The following STXBP5L variants were observed in gnomAD, a reference collection of about 807,000 sequenced individuals.
STXBP5L encodes the protein syntaxin binding protein 5L, also known as syntaxin-binding protein 5-like.
Under a neutral mutation model 144.5 loss-of-function variants are expected in STXBP5L, and 65 were observed. That is an observed-to-expected ratio of 0.45 (90% CI 0.37 to 0.55). STXBP5L has a LOEUF of 0.55. STXBP5L is among the 20% of genes least tolerant of loss of function. The pLI, the probability that STXBP5L is intolerant of heterozygous loss-of-function variation, is 0.00. For synonymous variants in STXBP5L, 505 were observed against 469.6 expected, an observed-to-expected ratio of 1.08 and a Z score of -0.97; for missense variants, 1,298 against 1,405.5, an observed-to-expected ratio of 0.92 and a Z score of 1.22.
intron 19 of STXBP5L, among the ~76,000 whole-genome samples, chr3:121,315,550 G>A (rs1432162765): frequency 1.3e-5 from 2 of 151,366 alleles, no homozygotes; most frequent in Non-Finnish European, 2.9e-5. Context: ...AAGTTAATGG[G>A]TGCAGCATAC....
intron 20 of STXBP5L, among the ~76,000 whole-genome samples, chr3:121,345,963 T>G (rs1003319860): frequency 2.2e-4 from 33 of 152,064 alleles, no homozygotes; most frequent in African/African-American, 7.7e-4. Context: ...TTTATTTTAT[T>G]ATTATTATAC....
At chr3:121,265,045 G>A (rs1577332243) in intron 18 of STXBP5L, among the ~76,000 whole-genome samples, 1 of 152,106 alleles carries the variant, frequency 6.6e-6, no homozygotes, top group Non-Finnish European at 1.5e-5. Flanking sequence ...ACACCCCACT[G>A]TCAATATTAG....
Position 121,418,323 on chromosome 3 carries a change from G to C in STXBP5L, c.3227-14G>C. On this transcript the variant is annotated splice_polypyrimidine_tract_variant and intron_variant, in intron 25 of 26. Transcript: ENST00000471454. ...TGACAAAATGTTTTAAATTGCTATT[G>C]CATATATTCTCAGTTGGGGAAGCTT... The C allele has an allele frequency of 6.2e-7, 1 of 1,609,352 alleles. No homozygotes were observed. Among genetic ancestry groups the C allele is most frequent in the Non-Finnish European group, 8.5e-7 (1 of 1,177,330 alleles).
chr3:121,250,895 A>C, intron 15 of STXBP5L, 132 bp downstream of exon 15: 1 of 668,702 alleles, frequency 1.5e-6, no homozygotes, highest in South Asian at 2.0e-5. Context: ...TGTTACAAAA[A>C]TCTATTACCT....
intron 8 of STXBP5L, among the ~76,000 whole-genome samples, chr3:121,157,110 T>C (rs1174122715): frequency 6.6e-6 from 1 of 152,110 alleles, no homozygotes; most frequent in Non-Finnish European, 1.5e-5. Flanking sequence ...TGAGAACGTT[T>C]TTCGTAGTTA....
intron 24 of STXBP5L, among the ~76,000 whole-genome samples, chr3:121,414,114 A>G (rs1377342309): frequency 6.6e-6 from 1 of 151,222 alleles, no homozygotes; most frequent in Non-Finnish European, 1.5e-5. Flanking sequence ...ATAATAATAA[A>G]TATTACTATC....
chr3:121,109,754 G>T (rs1393640630), intron 5 of STXBP5L, among the ~76,000 whole-genome samples: 1 of 152,148 alleles, frequency 6.6e-6, no homozygotes, highest in Non-Finnish European at 1.5e-5. Flanking sequence ...AGCTGAGTTT[G>T]AGTCCTGAAG....
chr3:121,281,682 A>G (rs558227024), intron 19 of STXBP5L, among the ~76,000 whole-genome samples: 1 of 152,118 alleles, frequency 6.6e-6, no homozygotes, highest in South Asian at 2.1e-4. Context: ...TTTAAATTAA[A>G]CTGCTTGAAC....
At chr3:120,982,798 G>A (rs188120045) in intron 3 of STXBP5L, among the ~76,000 whole-genome samples, 9 of 152,290 alleles carry the variant, frequency 5.9e-5, no homozygotes, top group African/African-American at 2.2e-4. Context: ...TGCCAGTTGT[G>A]GTGGACTGGG....
intron 18 of STXBP5L, among the ~76,000 whole-genome samples, chr3:121,262,086 T>C (rs1577326441): frequency 6.6e-6 from 1 of 152,258 alleles, no homozygotes; most frequent in East Asian, 1.9e-4. Flanking sequence ...ATGAATTCCA[T>C]TCATAATGGC....
chr3:121,178,856 A>G (rs1163241205), intron 9 of STXBP5L, among the ~76,000 whole-genome samples: 2 of 152,026 alleles, frequency 1.3e-5, no homozygotes, highest in East Asian at 1.9e-4. Context: ...ATTAGGGAAG[A>G]GTCAGGCAGC....
At chr3:121,320,142 A>G (rs1351846181) in intron 20 of STXBP5L, among the ~76,000 whole-genome samples, 1 of 151,802 alleles carries the variant, frequency 6.6e-6, no homozygotes, top group Non-Finnish European at 1.5e-5. Flanking sequence ...ACAATATTGA[A>G]TTTTTCGTTT....
chr3:121,161,544 A>G (rs903654109), intron 9 of STXBP5L, among the ~76,000 whole-genome samples: 2 of 151,964 alleles, frequency 1.3e-5, no homozygotes, highest in Non-Finnish European at 2.9e-5. Flanking sequence ...GGGTTCTACC[A>G]AGATTCTCAT....
chr3:120,980,923 C>T (rs1941704278), intron 3 of STXBP5L, among the ~76,000 whole-genome samples: 1 of 152,014 alleles, frequency 6.6e-6, no homozygotes, highest in African/African-American at 2.4e-5. Context: ...TTAGCCGTTT[C>T]TTGTCTAGGA....
chr3:121,334,542 A>G (rs1055625636), intron 20 of STXBP5L, among the ~76,000 whole-genome samples: 2 of 151,438 alleles, frequency 1.3e-5, no homozygotes, highest in Non-Finnish European at 2.9e-5. Context: ...CAAAAAAAAA[A>G]GAAAACTTTG....
chr3:121,148,494 T>C (rs919984528), intron 7 of STXBP5L, among the ~76,000 whole-genome samples: 2 of 152,168 alleles, frequency 1.3e-5, no homozygotes, highest in African/African-American at 4.8e-5. Context: ...ATGAACTTTG[T>C]TAATTTTCCC....
At chr3:121,259,284 G>A (rs2050310375) in intron 18 of STXBP5L, 116 bp downstream of exon 18, 1 of 734,990 alleles carries the variant, frequency 1.4e-6, no homozygotes. Flanking sequence ...ATTTTTATTA[G>A]ATTAAACAAT....
intron 20 of STXBP5L, among the ~76,000 whole-genome samples, chr3:121,352,285 T>C (rs576305235): frequency 6.6e-6 from 1 of 152,290 alleles, no homozygotes; most frequent in African/African-American, 2.4e-5. Context: ...AGTATGGCCA[T>C]TTTCACGATA....
At chr3:121,263,069 C>A (rs1383482446) in intron 18 of STXBP5L, among the ~76,000 whole-genome samples, 1 of 152,186 alleles carries the variant, frequency 6.6e-6, no homozygotes, top group African/African-American at 2.4e-5. Flanking sequence ...TACAGGAGAG[C>A]TCTGGCTGGC....
Sources: gnomAD v4.1 joint callset for allele counts (sites outside exome capture counted in the v4.1 genomes callset) on GRCh38, gnomAD v4.1.1 for gene constraint, MANE v1.5 for transcripts, NCBI Gene and HGNC (gene_info 2026-07-23, HGNC 2026-07-21) for gene names.